Variants in BCAR3 observed in about 807,000 individuals in gnomAD.
BCAR3 encodes the protein breast cancer anti-estrogen resistance protein 3.
A neutral mutation model predicts 80.1 loss-of-function variants in BCAR3; 37 were observed. That is an observed-to-expected ratio of 0.46 (90% CI 0.36 to 0.61). BCAR3 has a LOEUF of 0.61. Among genes scored for constraint, BCAR3 ranks in the 20% least tolerant of loss-of-function variants. BCAR3 has a pLI of 0.00. For missense variants in BCAR3, 978 were observed against 1,068.2 expected (o/e 0.92, Z 1.18); for synonymous variants, 389 against 418.9 (o/e 0.93, Z 0.87).
At chr1:93,709,462 G>A (rs968207928) in intron 2 of BCAR3, among the ~76,000 whole-genome samples, 3 of 152,238 alleles carry the variant, frequency 2.0e-5, no homozygotes, top group African/African-American at 7.2e-5. Flanking sequence ...TCTTCAGATT[G>A]GTCCCTTGCC....
intron 3 of BCAR3, chr1:93,594,641 T>C (rs1187836817): frequency 2.0e-5 from 3 of 152,264 alleles, no homozygotes; most frequent in Non-Finnish European, 1.5e-5. Context: ...CTAACCCATA[T>C]TGTGACCTGA....
At chr1:93,703,459 C>T (rs539105260) in intron 3 of BCAR3, among the ~76,000 whole-genome samples, 12 of 151,664 alleles carry the variant, frequency 7.9e-5, no homozygotes, top group South Asian at 6.2e-4. Flanking sequence ...CCTACCTACT[C>T]GGGAGGCTAA....
chr1:93,718,376 G>A (rs952405578), intron 2 of BCAR3, among the ~76,000 whole-genome samples: 6 of 152,334 alleles, frequency 3.9e-5, no homozygotes, highest in African/African-American at 9.6e-5. Flanking sequence ...GTGAGAAAGC[G>A]CTGGCATGTG....
At chr1:93,676,152 G>A (rs1320674565) in intron 1 of BCAR3, among the ~76,000 whole-genome samples, 1 of 152,070 alleles carries the variant, frequency 6.6e-6, no homozygotes, top group East Asian at 1.9e-4. Flanking sequence ...GCATTACTCA[G>A]GGAAGAGCTT....
chr1:93,806,994 A>G (rs1489222997), intron 2 of BCAR3, among the ~76,000 whole-genome samples: 1 of 152,124 alleles, frequency 6.6e-6, no homozygotes, highest in Non-Finnish European at 1.5e-5. Flanking sequence ...CGTCCCAGCT[A>G]CTTGAGGGGC....
At chr1:93,752,608 G>A (rs1039831698) in intron 2 of BCAR3, among the ~76,000 whole-genome samples, 7 of 152,172 alleles carry the variant, frequency 4.6e-5, no homozygotes, top group African/African-American at 7.2e-5. Flanking sequence ...GTATGCATAC[G>A]GTATCATTGC....
At chr1:93,838,180 G>A (rs556574559) in intron 2 of BCAR3, among the ~76,000 whole-genome samples, 24 of 152,340 alleles carry the variant, frequency 1.6e-4, no homozygotes, top group African/African-American at 5.8e-4. Context: ...AAAGAAAAGA[G>A]GTTTGCTTAG....
In BCAR3 at chr1:93,571,834, T is replaced by G. The variant is rs1291848166; in HGVS notation, c.1810A>C (p.Thr604Pro). ...LRLDIIERHN[T>P]MAIGIAVDIL... Reference sequence around the variant, plus strand: ...TCCACTGCAATGCCGATGGCCATTGTGTTGTGTCTGAAAGCCAGGAGATCA... The same window carrying G: ...TCCACTGCAATGCCGATGGCCATTGGGTTGTGTCTGAAAGCCAGGAGATCA... The change falls in exon 9 of 12, where the codon ACA becomes CCA. Residue 604 changes from threonine (T) to proline (P), a missense_variant. Transcript: ENST00000260502. 1 of 1,612,442 alleles carries G rather than the reference T, an allele frequency of 6.2e-7. No individual in the cohort carries two copies. The highest frequency in any genetic ancestry group is 1.7e-5 in the Admixed American group (1 of 59,980).
rs1488321976 is a variant in BCAR3 at position 93,801,182 on chromosome 1, A to G, written c.-63+44385T>C. On this transcript the variant is annotated intron_variant, in intron 2 of 13. Coordinates refer to the BCAR3 transcript ENST00000370244. The stretch of plus-strand genomic sequence containing the variant: ...GTCTTGTTTTCTTGCAATAACAACA[A>G]ACATCTTTAGATGTTTCTGAGGCTT... Among the ~76,000 whole-genome samples the G allele has an allele frequency of 6.9e-4, 102 of 146,902 alleles. 1 individual carries two copies. The highest frequency in any genetic ancestry group is 6.5e-3 in the Admixed American group (97 of 14,876).
chr1:93,645,864 C>T (rs1032791747), intron 2 of BCAR3, among the ~76,000 whole-genome samples: 8 of 151,832 alleles, frequency 5.3e-5, no homozygotes, highest in African/African-American at 1.2e-4. Flanking sequence ...ATTTTGCTAT[C>T]GGATCTTCAC....
intron 2 of BCAR3, among the ~76,000 whole-genome samples, chr1:93,789,203 T>C (rs1443660419): frequency 6.6e-6 from 1 of 152,164 alleles, no homozygotes; most frequent in Non-Finnish European, 1.5e-5. Flanking sequence ...CTCTAACGTG[T>C]GGCTTCAAGC....
At chr1:93,777,124 C>A (rs1652577077) in intron 2 of BCAR3, among the ~76,000 whole-genome samples, 1 of 152,060 alleles carries the variant, frequency 6.6e-6, no homozygotes, top group African/African-American at 2.4e-5. Flanking sequence ...TGCTTGCTGG[C>A]AAACAAAAGG....
chr1:93,572,824 T>TC, intron 8 of BCAR3, among the ~76,000 whole-genome samples: 1 of 152,352 alleles, frequency 6.6e-6, no homozygotes, highest in East Asian at 1.9e-4. Flanking sequence ...ACGATGTTAC[T>TC]CCACGCTGTG....
chr1:93,676,279 G>T (rs1648484688), intron 1 of BCAR3, among the ~76,000 whole-genome samples: 1 of 152,214 alleles, frequency 6.6e-6, no homozygotes, highest in South Asian at 2.1e-4. Flanking sequence ...CAAGCTGATA[G>T]AAGTGGAGCC....
intron 2 of BCAR3, among the ~76,000 whole-genome samples, chr1:93,818,524 G>A (rs1654095882): frequency 6.6e-6 from 1 of 152,178 alleles, no homozygotes; most frequent in Non-Finnish European, 1.5e-5. Flanking sequence ...TCCCAGTTCT[G>A]CCACTTCCTA....
intron 3 of BCAR3, among the ~76,000 whole-genome samples, chr1:93,638,942 G>A (rs952494838): frequency 6.6e-6 from 1 of 152,150 alleles, no homozygotes; most frequent in Middle Eastern, 3.2e-3. Flanking sequence ...TAAAGAGACG[G>A]AAACAGTGAG....
chr1:93,810,070 G>C (rs1287493707), intron 2 of BCAR3, among the ~76,000 whole-genome samples: 2 of 151,684 alleles, frequency 1.3e-5, no homozygotes, highest in Non-Finnish European at 1.5e-5. Flanking sequence ...GCATGTGCCT[G>C]TAATCCCAGC....
At position 93,562,344 on chromosome 1, in the gene BCAR3, C is replaced by A; in HGVS notation, c.2375G>T (p.Gly792Val). ...FQMRLLWGSK[G>V]AQVNQTERYE... ...TCTCTCTGTCTGATTGACTTGTGCACCTTTGCTGCCCCATAGCAATCGCAT... is the reference window on the plus strand; with the variant it reads ...TCTCTCTGTCTGATTGACTTGTGCAACTTTGCTGCCCCATAGCAATCGCAT... Residue 792 changes from glycine to valine, a missense_variant, in exon 12 of 12, where the codon GGT becomes GTT. Physicochemically the swap from Gly to Val is moderately radical, Grantham distance 109. Transcript: ENST00000260502. 1 of 1,614,128 alleles carries A rather than the reference C, an allele frequency of 6.2e-7. No homozygotes were observed. Among genetic ancestry groups the A allele is most frequent in the Non-Finnish European group, 8.5e-7 (1 of 1,180,004 alleles).
chr1:93,564,379 A>G (rs1672848108), intron 11 of BCAR3, among the ~76,000 whole-genome samples: 1 of 150,508 alleles, frequency 6.6e-6, no homozygotes, highest in South Asian at 2.1e-4. Context: ...CCTGGGTTCA[A>G]GCAATTCTCC....
Sources: gnomAD v4.1 joint callset for allele counts (sites outside exome capture counted in the v4.1 genomes callset) on GRCh38, gnomAD v4.1.1 for gene constraint, MANE v1.5 for transcripts, NCBI Gene and HGNC (gene_info 2026-07-23, HGNC 2026-07-21) for gene names.